The following FAM91A1 variants were observed in gnomAD, a reference collection of about 807,000 sequenced individuals.
The protein encoded by FAM91A1 is protein FAM91A1.
In FAM91A1, 41 loss-of-function variants were observed where a neutral mutation model predicts 113.5. That is an observed-to-expected ratio of 0.36 (90% CI 0.28 to 0.47). The LOEUF (loss-of-function observed/expected upper bound fraction) is 0.47, where lower values mean the gene tolerates loss of function less well. Among genes scored for constraint, FAM91A1 ranks in the 20% least tolerant of loss-of-function variants. FAM91A1 has a pLI of 1.00. For synonymous variants in FAM91A1, 307 were observed against 347.9 expected, an observed-to-expected ratio of 0.88 and a Z score of 1.31; for missense variants, 696 against 1,001.2, an observed-to-expected ratio of 0.70 and a Z score of 4.11.
chr8:123,796,678 C>T (rs565713572), intron 15 of FAM91A1, among the ~76,000 whole-genome samples: 1 of 150,362 alleles, frequency 6.7e-6, no homozygotes, highest in South Asian at 2.2e-4. Flanking sequence ...AGGATGGTCT[C>T]GATCTCCTGA....
intron 18 of FAM91A1, among the ~76,000 whole-genome samples, chr8:123,802,843 A>G (rs886604695): frequency 3.3e-5 from 5 of 152,228 alleles, no homozygotes; most frequent in Non-Finnish European, 5.9e-5. Flanking sequence ...GTCTTTACCT[A>G]TAAACTGGAG....
chr8:123,778,016 T>G lies in FAM91A1; in HGVS notation c.368-9T>G. On this transcript the variant is annotated splice_polypyrimidine_tract_variant and intron_variant, in intron 4 of 23. Transcript: ENST00000334705. ...TAAATGTTTTTAAAGGAAAGACTCTTTTTTTCAGGTCTAAGGCTTCTTGGC... is the reference window on the plus strand; with the variant it reads ...TAAATGTTTTTAAAGGAAAGACTCTGTTTTTCAGGTCTAAGGCTTCTTGGC... 6.2e-7 allele frequency: 1 copy of G among 1,610,282 alleles called. No individual in the cohort carries two copies. Among genetic ancestry groups the G allele is most frequent in the South Asian group, 1.1e-5 (1 of 90,842 alleles).
rs1024112365 is a variant in FAM91A1 at position 123,778,146 on chromosome 8, G to A, written c.435+54G>A. 7.0e-6 allele frequency: 9 copies of A among 1,285,978 alleles called. No homozygotes were observed. The African/African-American group carries it at 1.2e-4, about 17-fold the overall frequency. 79.7% of individuals were successfully genotyped at this position (1,285,978 alleles called of 1,614,324 possible). A position where few individuals can be genotyped will look rare whatever the true frequency, so the allele number is the denominator to read the frequency against. On this transcript the variant is annotated intron_variant, in intron 5 of 23. Coordinates refer to ENST00000334705, the MANE Select transcript of FAM91A1 (RefSeq NM_144963.4). The stretch of plus-strand genomic sequence containing the variant: ...TTGGCCTCATCACACAGTTTGATTA[G>A]TTTTTTTAAGTGGTAGAAATAATGA...
intron 11 of FAM91A1, chr8:123,786,242 A>T: frequency 2.4e-6 from 1 of 414,074 alleles, no homozygotes; most frequent in East Asian, 3.9e-5. Flanking sequence ...CTTTTCCCAG[A>T]AAAAAAGCAA....
intron 15 of FAM91A1, among the ~76,000 whole-genome samples, chr8:123,794,730 A>AT (rs1226866471): frequency 1.3e-5 from 2 of 152,228 alleles, no homozygotes; most frequent in African/African-American, 4.8e-5. Flanking sequence ...TAAACCTCAA[A>AT]TAACACTAGG....
At chr8:123,769,550 G>GT (rs1814789099) in intron 1 of FAM91A1, among the ~76,000 whole-genome samples, 1 of 152,144 alleles carries the variant, frequency 6.6e-6, no homozygotes, top group Non-Finnish European at 1.5e-5. Context: ...GTGACATGAG[G>GT]TTTTTGAAAG....
At chr8:123,805,752 G>A (rs1815788127) in intron 19 of FAM91A1, among the ~76,000 whole-genome samples, 2 of 152,184 alleles carry the variant, frequency 1.3e-5, no homozygotes, top group South Asian at 4.1e-4. Flanking sequence ...AAACTGCTTA[G>A]TAGATCCTTT....
At chr8:123,780,457 A>G in intron 7 of FAM91A1, 23 bp from the exon 8 acceptor site, 5 of 1,584,230 alleles carry the variant, frequency 3.2e-6, no homozygotes, top group Non-Finnish European at 4.3e-6. Flanking sequence ...TCCATCTAAA[A>G]CAAGGTACTT....
intron 15 of FAM91A1, among the ~76,000 whole-genome samples, chr8:123,793,271 G>T (rs1201898790): frequency 6.6e-6 from 1 of 152,048 alleles, no homozygotes; most frequent in Non-Finnish European, 1.5e-5. Flanking sequence ...TTGGTGGGGA[G>T]ATACTTTGAG....
rs1398607512 is a variant in FAM91A1, at chr8:123,780,477, C to T, written c.641-3C>T. 1 of 1,608,124 alleles carries T rather than the reference C, an allele frequency of 6.2e-7. No individual in the cohort carries two copies. Among genetic ancestry groups the T allele is most frequent in the East Asian group, 2.2e-5 (1 of 44,612 alleles). On this transcript the variant is annotated splice_region_variant and splice_polypyrimidine_tract_variant and intron_variant, in intron 7 of 23. Coordinates refer to ENST00000334705, the MANE Select transcript of FAM91A1 (RefSeq NM_144963.4). ...CTAAAACAAGGTACTTTTGTTTCTT[C>T]AGGTTTGTATAACAAAGGATTTATT...
intron 19 of FAM91A1, among the ~76,000 whole-genome samples, chr8:123,805,574 A>G (rs1815783996): frequency 1.3e-5 from 2 of 152,212 alleles, no homozygotes; most frequent in Non-Finnish European, 2.9e-5. Flanking sequence ...CTGTCTTGGA[A>G]TAAAGAGAAT....
Position 123,768,679 on chromosome 8 carries a change from G to A in FAM91A1, c.-24G>A. 1 of 1,530,978 alleles carries A rather than the reference G, an allele frequency of 6.5e-7. No homozygotes were observed. Among genetic ancestry groups the A allele is most frequent in the Admixed American group, 2.0e-5 (1 of 49,604 alleles). 94.8% of individuals were successfully genotyped at this position (1,530,978 alleles called of 1,614,324 possible). ...AGTGTGGGTCGCGGTGGCGGCCCCG[G>A]CCGCCGGCCCTGGCCGCGGCATCAT... On this transcript the variant is annotated 5_prime_UTR_variant, in exon 1 of 24. Coordinates refer to ENST00000334705, the MANE Select transcript of FAM91A1 (RefSeq NM_144963.4).
intron 15 of FAM91A1, among the ~76,000 whole-genome samples, chr8:123,791,453 C>G (rs999984676): frequency 6.6e-6 from 1 of 152,044 alleles, no homozygotes; most frequent in Non-Finnish European, 1.5e-5. Flanking sequence ...AATGGTAAAT[C>G]TAAACCTATT....
At chr8:123,777,963 G>A (rs1815028002) in intron 4 of FAM91A1, 62 bp from the exon 5 acceptor site, 3 of 1,406,322 alleles carry the variant, frequency 2.1e-6, no homozygotes, top group South Asian at 2.4e-5. Flanking sequence ...ACAATCGCTT[G>A]TGAACATATT....
rs191064540 is a variant in FAM91A1, at chr8:123,784,844, A to G, written c.811-237A>G. The G allele has an allele frequency of 1.0e-3, 422 of 409,986 alleles. 2 individuals are homozygous for G. Among genetic ancestry groups the G allele is most frequent in the African/African-American group, 8.0e-3 (385 of 48,348 alleles). The allele number at this position is 409,986 out of a possible 1,614,324, so 25.4% of individuals were successfully genotyped here. A position where few individuals can be genotyped will look rare whatever the true frequency, so the allele number is the denominator to read the frequency against. On this transcript the variant is annotated intron_variant, in intron 9 of 23. Transcript: ENST00000334705. ...TTGATCTATCCAGGAATTTTATTTT[A>G]AATGAGACGAAATTAAAGAGTAAGG...
At chr8:123,799,708 G>A in intron 17 of FAM91A1, 54 bp downstream of exon 17, 1 of 1,606,636 alleles carries the variant, frequency 6.2e-7, no homozygotes, top group African/African-American at 1.3e-5. Context: ...CAGTATGCTA[G>A]ATAATTTCTT....
intron 15 of FAM91A1, among the ~76,000 whole-genome samples, chr8:123,795,443 T>C (rs1199001865): frequency 7.2e-6 from 1 of 138,778 alleles, no homozygotes; most frequent in African/African-American, 2.8e-5. Flanking sequence ...TCTGTAAAAG[T>C]GTGTGCATCT....
chr8:123,810,676 C>T, intron 23 of FAM91A1: 3 of 354,932 alleles, frequency 8.5e-6, no homozygotes, highest in Non-Finnish European at 1.0e-5. Flanking sequence ...AGCGATTCTC[C>T]ACTGCTGGGA....
intron 22 of FAM91A1, 94 bp downstream of exon 22, chr8:123,809,110 C>A: frequency 6.6e-7 from 1 of 1,512,968 alleles, no homozygotes; most frequent in East Asian, 2.3e-5. Context: ...CACATGAGCA[C>A]AGTAATTGTT....
Sources: gnomAD v4.1 joint callset for allele counts (sites outside exome capture counted in the v4.1 genomes callset) on GRCh38, gnomAD v4.1.1 for gene constraint, MANE v1.5 for transcripts, NCBI Gene and HGNC (gene_info 2026-07-23, HGNC 2026-07-21) for gene names.